The following CDH12 variants were observed in gnomAD, a reference collection of about 807,000 sequenced individuals.
CDH12 encodes the protein cadherin-12.
In CDH12, 41 loss-of-function variants were observed where a neutral mutation model predicts 74.1. The observed-to-expected ratio is 0.55, with a 90% CI of 0.43 to 0.72. The LOEUF (loss-of-function observed/expected upper bound fraction) is 0.72. Ranked by LOEUF, CDH12 falls within the 30% of genes least tolerant of loss-of-function variation. The pLI is 0.00. For synonymous variants in CDH12, 399 were observed against 355.0 expected, an observed-to-expected ratio of 1.12 and a Z score of -1.39; for missense variants, 945 against 977.2, an observed-to-expected ratio of 0.97 and a Z score of 0.44.
intron 1 of CDH12, among the ~76,000 whole-genome samples, chr5:22,539,852 C>A (rs968943873): frequency 1.3e-5 from 2 of 152,158 alleles, no homozygotes; most frequent in Admixed American, 1.3e-4. Context: ...TGAAACAGAA[C>A]CCAATCTTGG....
intron 5 of CDH12, among the ~76,000 whole-genome samples, chr5:22,042,361 AT>A (rs946650570): frequency 2.0e-5 from 3 of 152,282 alleles, no homozygotes; most frequent in African/African-American, 7.2e-5. Flanking sequence ...AGAAAGCTGT[AT>A]TTTTCTGTAA....
chr5:21,889,205 T>A (rs1478249165), intron 6 of CDH12, among the ~76,000 whole-genome samples: 2 of 146,748 alleles, frequency 1.4e-5, no homozygotes, highest in Non-Finnish European at 3.0e-5. Context: ...CAGCCTCTTT[T>A]AAAGAAATAT....
chr5:22,519,072 T>G (rs987758811), intron 1 of CDH12, among the ~76,000 whole-genome samples: 2 of 152,120 alleles, frequency 1.3e-5, no homozygotes, highest in Admixed American at 6.5e-5. Flanking sequence ...CAGAAGATTT[T>G]GGGGTAGATT....
At chr5:22,370,640 C>G (rs1048393241) in intron 3 of CDH12, among the ~76,000 whole-genome samples, 5 of 152,046 alleles carry the variant, frequency 3.3e-5, no homozygotes, top group African/African-American at 1.2e-4. Flanking sequence ...AATTGTAGCA[C>G]TTATTATATG....
At chr5:22,407,909 A>C (rs1743006459) in intron 2 of CDH12, among the ~76,000 whole-genome samples, 1 of 151,998 alleles carries the variant, frequency 6.6e-6, no homozygotes, top group Non-Finnish European at 1.5e-5. Context: ...ATGCTTTTTT[A>C]CGTTTCCTCA....
chr5:22,020,297 T>C (rs554150546), intron 5 of CDH12, among the ~76,000 whole-genome samples: 1 of 152,200 alleles, frequency 6.6e-6, no homozygotes, highest in South Asian at 2.1e-4. Flanking sequence ...CTCACACCTA[T>C]AATCCCAGCA....
intron 3 of CDH12, among the ~76,000 whole-genome samples, chr5:22,307,681 G>T (rs1440953608): frequency 1.3e-5 from 2 of 151,686 alleles, no homozygotes; most frequent in Non-Finnish European, 2.9e-5. Flanking sequence ...ATATATTGAG[G>T]CCATTTAAGA....
chr5:22,585,962 C>T (rs1207927149), intron 1 of CDH12, among the ~76,000 whole-genome samples: 2 of 152,094 alleles, frequency 1.3e-5, no homozygotes, highest in African/African-American at 4.8e-5. Context: ...ACTAGAAATA[C>T]CATGTGACTC....
intron 6 of CDH12, among the ~76,000 whole-genome samples, chr5:21,971,360 A>G (rs1009545182): frequency 6.6e-6 from 1 of 152,224 alleles, no homozygotes; most frequent in Admixed American, 6.6e-5. Context: ...AAAAAATCCA[A>G]CAGTGAATAA....
chr5:22,637,146 G>GTAT (rs1738882552), intron 1 of CDH12, among the ~76,000 whole-genome samples: 3 of 152,242 alleles, frequency 2.0e-5, no homozygotes, highest in African/African-American at 7.2e-5. Context: ...ATCCTTTAAT[G>GTAT]TATTATATTC....
intron 3 of CDH12, among the ~76,000 whole-genome samples, chr5:22,351,600 T>C (rs1740357623): frequency 6.6e-6 from 1 of 152,226 alleles, no homozygotes; most frequent in Non-Finnish European, 1.5e-5. Flanking sequence ...AAAATGCAGC[T>C]CTTCAAGTTT....
At chr5:22,630,298 T>G (rs1237596609) in intron 1 of CDH12, among the ~76,000 whole-genome samples, 1 of 152,018 alleles carries the variant, frequency 6.6e-6, no homozygotes, top group Non-Finnish European at 1.5e-5. Context: ...AGGGCCCAAA[T>G]AGCCAAAGCA....
intron 1 of CDH12, among the ~76,000 whole-genome samples, chr5:22,584,148 G>A (rs1398565188): frequency 1.3e-5 from 2 of 151,704 alleles, no homozygotes; most frequent in Non-Finnish European, 1.5e-5. Context: ...TCGCCAGGCT[G>A]GAGTGCAGTG....
At chr5:22,349,742 T>C (rs1580550695) in intron 3 of CDH12, among the ~76,000 whole-genome samples, 1 of 152,336 alleles carries the variant, frequency 6.6e-6, no homozygotes, top group Middle Eastern at 3.4e-3. Context: ...CTTTAGCTAA[T>C]CTTTTTTTTT....
At chr5:22,706,070 C>A (rs1464116998) in intron 1 of CDH12, among the ~76,000 whole-genome samples, 1 of 151,998 alleles carries the variant, frequency 6.6e-6, no homozygotes, top group African/African-American at 2.4e-5. Flanking sequence ...ATTGGTATCT[C>A]AAAGCATTAA....
intron 1 of CDH12, among the ~76,000 whole-genome samples, chr5:22,572,553 C>T (rs897522722): frequency 6.6e-6 from 1 of 151,766 alleles, no homozygotes; most frequent in African/African-American, 2.4e-5. Flanking sequence ...GTTTTCAAAT[C>T]TTCCCTCTGA....
intron 11 of CDH12, among the ~76,000 whole-genome samples, chr5:21,769,533 T>C (rs1186652126): frequency 1.3e-5 from 2 of 152,138 alleles, no homozygotes; most frequent in Non-Finnish European, 2.9e-5. Flanking sequence ...TCTCACTTCT[T>C]GACCAAAGAA....
intron 3 of CDH12, among the ~76,000 whole-genome samples, chr5:22,228,416 A>AT (rs1171605523): frequency 6.6e-6 from 1 of 152,050 alleles, no homozygotes; most frequent in Non-Finnish European, 1.5e-5. Context: ...GCTTTGCATA[A>AT]TTTTTTTGTA....
chr5:22,230,467 G>T (rs571987804), intron 3 of CDH12, among the ~76,000 whole-genome samples: 59 of 123,028 alleles, frequency 4.8e-4, no homozygotes, highest in Admixed American at 3.5e-3. Flanking sequence ...AAAAAGAGAT[G>T]TCATAATTTT....
Sources: gnomAD v4.1 joint callset for allele counts (sites outside exome capture counted in the v4.1 genomes callset) on GRCh38, gnomAD v4.1.1 for gene constraint, MANE v1.5 for transcripts, NCBI Gene and HGNC (gene_info 2026-07-23, HGNC 2026-07-21) for gene names.